The following C22orf15 variants were observed in gnomAD, a reference collection of about 807,000 sequenced individuals.
C22orf15 encodes uncharacterized protein C22orf15.
Under a neutral mutation model 20.3 loss-of-function variants are expected in C22orf15, and 21 were observed. That is an observed-to-expected ratio of 1.04 (90% CI 0.74 to 1.49). C22orf15 has a LOEUF of 1.49. C22orf15 is among the 40% of genes most tolerant of loss of function. C22orf15 has a pLI of 0.00. For synonymous variants in C22orf15, 78 were observed against 75.4 expected (o/e 1.03, Z -0.18); for missense variants, 170 against 191.1 (o/e 0.89, Z 0.65).
In C22orf15 at chr22:23,764,665, T is replaced by C. The variant is rs774640235; in HGVS notation, c.277T>C (p.Tyr93His). The change falls in exon 4 of 6, where the codon TAT (tyrosine) becomes CAT (histidine). Residue 93 changes from tyrosine (Y) to histidine (H), a missense_variant. Transcript: ENST00000402217. ...IKGEDMASTR[Y>H]ESLLENLDDH... is the part of the protein sequence containing the mutation. ...GGGAGAGGACATGGCCTCCACCCGC[T>C]ATGAGTCCCTATTGGAGAACCTGGA... 1.2e-6 allele frequency: 2 copies of C among 1,614,182 alleles called. No individual in the cohort carries two copies. The highest frequency in any genetic ancestry group is 1.7e-6 in the Non-Finnish European group (2 of 1,180,022).
At position 23,765,698 on chromosome 22, in the gene C22orf15, C is replaced by T. The variant is rs1266671746; in HGVS notation, c.436-23C>T. The T allele has an allele frequency of 7.8e-6, 12 of 1,547,326 alleles. No individual in the cohort carries two copies. In the Admixed American group the frequency reaches 1.6e-4, roughly 20 times the overall value. On this transcript the variant is annotated intron_variant, in intron 5 of 5. Coordinates refer to ENST00000402217, the MANE Select transcript of C22orf15 (RefSeq NM_182520.3). ...GTGCTACCCACAGTGCAGATTGCAA[C>T]AGGGCTCCTCCTCCCCACCCAGGGC... is the stretch of plus-strand genomic sequence containing the variant.
At chr22:23,765,687 G>A (rs2145922905) in intron 5 of C22orf15, 34 bp from the exon 6 acceptor site, 1 of 1,543,976 alleles carries the variant, frequency 6.5e-7, no homozygotes, top group South Asian at 1.2e-5. Flanking sequence ...TACCCACAGT[G>A]CAGATTGCAA....
In C22orf15 at chr22:23,764,279, T is replaced by C. The variant is rs1428190782; in HGVS notation, c.132T>C (p.Ala44=). ...TCCCAGCGACCATTGCTCTCCTGGC[T>C]GAGGATGGCAACCTAGTGAGCCTGG... The part of the protein sequence containing the change: ...LPPDATIALL[A]EDGNLVSLEE... The change falls in exon 3 of 6, where the codon GCT becomes GCC. Residue 44 remains alanine (A), a synonymous_variant. Transcript: ENST00000402217. 11 of 1,551,526 alleles carry C rather than the reference T, an allele frequency of 7.1e-6. No individual in the cohort carries two copies. The African/African-American group carries it at 1.2e-4, about 17-fold the overall frequency.
intron 1 of C22orf15, among the ~76,000 whole-genome samples, chr22:23,763,692 C>G (rs1053400167): frequency 6.6e-6 from 1 of 152,222 alleles, no homozygotes; most frequent in Non-Finnish European, 1.5e-5. Context: ...GCAGGGTCCC[C>G]GTGCCTCTGG....
At chr22:23,763,391 C>T (rs1294350724) in intron 1 of C22orf15, 60 bp downstream of exon 1, 2 of 1,501,478 alleles carry the variant, frequency 1.3e-6, no homozygotes, top group Admixed American at 4.7e-5. Context: ...CAGAGGCGTG[C>T]TTCCTTCCGC....
chr22:23,764,202 C>A, intron 2 of C22orf15, 29 bp downstream of exon 2: 1 of 1,551,646 alleles, frequency 6.4e-7, no homozygotes, highest in Non-Finnish European at 8.7e-7. Context: ...GAAGGAGGGG[C>A]TGAGGGGTCC....
chr22:23,763,248 T>G lies in C22orf15; in HGVS notation c.-59T>G. The G allele has an allele frequency of 6.5e-7, 1 of 1,547,598 alleles. No individual in the cohort carries two copies. Among genetic ancestry groups the G allele is most frequent in the East Asian group, 2.5e-5 (1 of 40,760 alleles). The stretch of plus-strand genomic sequence containing the variant: ...GTCTCTGCTCCACGCTTTTCCTTAG[T>G]TGGGGAATCGAGAGTTGGGGGATCA... On this transcript the variant is annotated 5_prime_UTR_variant, in exon 1 of 6. Transcript: ENST00000402217.
chr22:23,763,925 G>T (rs906398331), intron 1 of C22orf15, among the ~76,000 whole-genome samples, 162 bp from the exon 2 acceptor site: 3 of 152,254 alleles, frequency 2.0e-5, no homozygotes, highest in Non-Finnish European at 4.4e-5. Context: ...CTCCAAGGCA[G>T]TTTAAGCAAC....
chr22:23,764,928 G>A, intron 5 of C22orf15, 26 bp downstream of exon 5: 1 of 1,593,050 alleles, frequency 6.3e-7, no homozygotes, highest in Admixed American at 1.7e-5. Context: ...CCCAGGAGTT[G>A]CTAGCTGGGG....
chr22:23,764,505 G>A (rs754708347), intron 3 of C22orf15, 108 bp downstream of exon 3: 1 of 1,576,276 alleles, frequency 6.3e-7, no homozygotes, highest in Non-Finnish European at 8.7e-7. Flanking sequence ...ACCTCGGCTG[G>A]GGACCTAGCC....
chr22:23,763,936 A>T, intron 1 of C22orf15, 151 bp from the exon 2 acceptor site: 1 of 700,492 alleles, frequency 1.4e-6, no homozygotes, highest in Non-Finnish European at 2.4e-6. Flanking sequence ...TTTAAGCAAC[A>T]GATGTTGGAG....
At chr22:23,763,911 G>A (rs1926150514) in intron 1 of C22orf15, among the ~76,000 whole-genome samples, 176 bp from the exon 2 acceptor site, 1 of 152,248 alleles carries the variant, frequency 6.6e-6, no homozygotes, top group South Asian at 2.1e-4. Context: ...ATGGATGGAG[G>A]GTTCTCCAAG....
At position 23,764,885 on chromosome 22, in the gene C22orf15, A is replaced by T; in HGVS notation, c.418A>T (p.Thr140Ser). Residue 140 changes from threonine to serine, a missense_variant, in exon 5 of 6, where the codon ACT (threonine) becomes TCT (serine). Transcript: ENST00000402217. ...TRRGRHEQSPTSRPRKGPD is the reference protein window; with the variant it reads ...TRRGRHEQSPSSRPRKGPD ...GCGAGGCCGCCATGAGCAAAGCCCC[A>T]CTTCAAGGCCCAGAAAGGTGAGCTC... 6.2e-7 allele frequency: 1 copy of T among 1,612,532 alleles called. No homozygotes were observed. The highest frequency in any genetic ancestry group is 8.5e-7 in the Non-Finnish European group (1 of 1,179,314).
intron 5 of C22orf15, chr22:23,765,222 C>T (rs1034800700): frequency 1.3e-5 from 19 of 1,456,630 alleles, no homozygotes; most frequent in African/African-American, 4.3e-5. Flanking sequence ...TCAATGAAGG[C>T]GGCAGCATGG....
chr22:23,765,253 A>G, intron 5 of C22orf15: 3 of 1,490,968 alleles, frequency 2.0e-6, no homozygotes, highest in Non-Finnish European at 2.7e-6. Context: ...CACGGCCCAC[A>G]CTGGGTTTGA....
Position 23,764,264 on chromosome 22 carries a change from C to T in C22orf15, c.117C>T (p.Thr39=), listed in dbSNP as rs777278205. The change falls in exon 3 of 6, where the codon ACC becomes ACT. Residue 39 remains threonine, a synonymous_variant. Coordinates refer to ENST00000402217, the MANE Select transcript of C22orf15 (RefSeq NM_182520.3). The part of the protein sequence containing the change: ...RQKAGLPPDA[T]IALLAEDGNL... ...TCTCTCTCCATGTCCTCCCAGCGAC[C>T]ATTGCTCTCCTGGCTGAGGATGGCA... is the stretch of plus-strand genomic sequence containing the variant. 119 of 1,551,536 alleles carry T rather than the reference C, an allele frequency of 7.7e-5. No individual in the cohort carries two copies. Among genetic ancestry groups the T allele is most frequent in the Non-Finnish European group, 1.0e-4 (115 of 1,146,970 alleles).
chr22:23,764,090 G>C lies in C22orf15; in HGVS notation c.29G>C (p.Gly10Ala). The C allele has an allele frequency of 6.4e-7, 1 of 1,550,566 alleles. No homozygotes were observed. The highest frequency in any genetic ancestry group is 8.7e-7 in the Non-Finnish European group (1 of 1,146,974). The change falls in exon 2 of 6, where the codon GGC becomes GCC. Residue 10 changes from glycine (G) to alanine (A), a missense_variant. Physicochemically the swap from Gly to Ala is moderately conservative, Grantham distance 60. Transcript: ENST00000402217. ...TCACCTTTGCCCCTCTCCACAGCTGGCTGCTCGGTGCTGGTGAACACCTCT... is the reference window on the plus strand; with the variant it reads ...TCACCTTTGCCCCTCTCCACAGCTGCCTGCTCGGTGCTGGTGAACACCTCT... The part of the protein sequence containing the change: MFIKVMFGA[G>A]CSVLVNTSCR...
At chr22:23,765,527 G>A in intron 5 of C22orf15, 194 bp from the exon 6 acceptor site, 1 of 1,548,950 alleles carries the variant, frequency 6.5e-7, no homozygotes, top group South Asian at 1.2e-5. Context: ...CAGAGGTAGA[G>A]ACAAGAAGGG....
chr22:23,764,112 C>T lies in C22orf15; in HGVS notation c.51C>T (p.Thr17=). The T allele has an allele frequency of 6.4e-7, 1 of 1,551,144 alleles. No individual in the cohort carries two copies. The highest frequency in any genetic ancestry group is 8.7e-7 in the Non-Finnish European group (1 of 1,146,996). Reference sequence around the variant, plus strand: ...CTGGCTGCTCGGTGCTGGTGAACACCTCTTGCAGGCTGGTGAACCTCACCG... The same window carrying T: ...CTGGCTGCTCGGTGCTGGTGAACACTTCTTGCAGGCTGGTGAACCTCACCG... ...FGAGCSVLVN[T]SCRLVNLTAH... The change falls in exon 2 of 6, where the codon ACC becomes ACT. Residue 17 remains threonine (T), a synonymous_variant. Coordinates refer to ENST00000402217, the MANE Select transcript of C22orf15 (RefSeq NM_182520.3).
Sources: gnomAD v4.1 joint callset for allele counts (sites outside exome capture counted in the v4.1 genomes callset) on GRCh38, gnomAD v4.1.1 for gene constraint, MANE v1.5 for transcripts, NCBI Gene and HGNC (gene_info 2026-07-23, HGNC 2026-07-21) for gene names.